Variants in MAGT1 observed in about 807,000 individuals in gnomAD.
MAGT1 encodes magnesium transporter 1.
Under a neutral mutation model 28.4 loss-of-function variants are expected in MAGT1, and 4 were observed. The observed-to-expected ratio is 0.14, with a 90% CI of 0.07 to 0.32. The LOEUF is 0.32. Ranked by LOEUF, MAGT1 falls within the 10% of genes least tolerant of loss-of-function variation. The probability of loss-of-function intolerance (pLI) is 1.00; values close to 1 mark genes in which losing one functional copy is unlikely to be tolerated. For synonymous variants in MAGT1, 89 were observed against 89.7 expected (o/e 0.99, Z 0.04); for missense variants, 193 against 264.5 (o/e 0.73, Z 1.88).
At chrX:77,859,606 C>T (rs149460901) in intron 3 of MAGT1, among the ~76,000 whole-genome samples, 6,499 of 111,785 alleles carry the variant, frequency 0.058, 300 homozygotes, top group East Asian at 0.38. Flanking sequence ...GTGGCTCACG[C>T]CTGTAATCCC....
chrX:77,875,454 T>G lies in MAGT1; in HGVS notation c.246A>C (p.Gln82His), dbSNP rs1258931607. The change falls in exon 2 of 10, where the codon CAA (glutamine) becomes CAC (histidine). Residue 82 changes from glutamine (Q) to histidine (H), a missense_variant. Transcript: ENST00000618282. ...TGCAAACGACACACTGTCTATGCAG[T>G]TGGAGAGCAGTGAACATGACGATAA... ...YSVIVMFTAL[Q>H]LHRQCVVCKQ... 1.7e-6 allele frequency: 2 copies of G among 1,210,600 alleles called. No individual in the cohort carries two copies. Among genetic ancestry groups the G allele is most frequent in the Non-Finnish European group, 1.1e-6 (1 of 895,166 alleles).
chrX:77,875,390 T>G, intron 2 of MAGT1, 38 bp downstream of exon 2: 22 of 1,181,023 alleles, frequency 1.9e-5, no homozygotes, highest in East Asian at 3.0e-5. Context: ...TAACGTTATA[T>G]GAGTTATTTA....
intron 8 of MAGT1, among the ~76,000 whole-genome samples, chrX:77,839,539 G>A (rs1389651189): frequency 5.6e-4 from 50 of 89,750 alleles, no homozygotes; most frequent in Admixed American, 2.0e-3. Context: ...ATGGAGTCTC[G>A]CTTTGTCACC....
intron 8 of MAGT1, among the ~76,000 whole-genome samples, chrX:77,840,565 A>G (rs911434811): frequency 1.3e-4 from 14 of 111,892 alleles, no homozygotes; most frequent in Non-Finnish European, 2.6e-4. Flanking sequence ...TAAGTCAGCC[A>G]GGCACGGCAG....
At chrX:77,877,153 A>G (rs2149026182) in intron 1 of MAGT1, among the ~76,000 whole-genome samples, 1 of 110,797 alleles carries the variant, frequency 9.0e-6, no homozygotes, top group South Asian at 3.7e-4. Context: ...TAGGCCTGAC[A>G]ACAAAAGCAG....
intron 8 of MAGT1, among the ~76,000 whole-genome samples, chrX:77,832,791 C>T (rs2076902363): frequency 1.1e-5 from 1 of 93,133 alleles, no homozygotes; most frequent in South Asian, 5.4e-4. Flanking sequence ...CCACTGCACT[C>T]CAGCCTAGGC....
intron 7 of MAGT1, among the ~76,000 whole-genome samples, chrX:77,842,606 C>T (rs1603359987): frequency 9.0e-6 from 1 of 110,863 alleles, no homozygotes; most frequent in East Asian, 2.8e-4. Flanking sequence ...GTAGGCGGAT[C>T]ACCTTAAGTC....
intron 3 of MAGT1, among the ~76,000 whole-genome samples, chrX:77,861,777 T>C (rs143958516): frequency 0.014 from 1,599 of 112,192 alleles, 18 homozygotes; most frequent in Non-Finnish European, 0.023. Context: ...GAGGACATGA[T>C]GCTAAGTGAA....
At chrX:77,871,228 C>T (rs2077019713) in intron 2 of MAGT1, among the ~76,000 whole-genome samples, 2 of 112,334 alleles carry the variant, frequency 1.8e-5, no homozygotes, top group Non-Finnish European at 3.7e-5. Flanking sequence ...AAATATATAG[C>T]TAATCGCCTC....
At chrX:77,858,960 A>G (rs1286620046) in intron 3 of MAGT1, among the ~76,000 whole-genome samples, 6 of 110,708 alleles carry the variant, frequency 5.4e-5, no homozygotes, top group Admixed American at 3.9e-4. Context: ...TTGTAATCCC[A>G]GCACTTTGGG....
chrX:77,862,525 AAAAC>A (rs1418746480), intron 3 of MAGT1, among the ~76,000 whole-genome samples: 1 of 111,950 alleles, frequency 8.9e-6, no homozygotes, highest in Non-Finnish European at 1.9e-5. Context: ...AACAAAAACA[AAAAC>A]AAAAAAAATT....
In MAGT1 at chrX:77,891,995, G is replaced by A. The variant is rs782357249; in HGVS notation, c.102+3314C>T. ...CAGAGTCTCGCTCTCTTGTTCAAGC[G>A]ATTCTCATGCCTCAGACTCCTGAGT... On this transcript the variant is annotated intron_variant, in intron 1 of 9. Transcript: ENST00000618282. Among the ~76,000 whole-genome samples, 4 of 108,798 alleles carry A rather than the reference G, an allele frequency of 3.7e-5. No individual in the cohort carries two copies. In the East Asian group the frequency reaches 8.6e-4, roughly 23 times the overall value. 94.5% of individuals were successfully genotyped at this position (108,798 alleles called of 115,157 possible).
In MAGT1 at chrX:77,866,499, C is replaced by T. The variant is rs782551903; in HGVS notation, c.390+4309G>A. On this transcript the variant is annotated intron_variant, in intron 3 of 9. Transcript: ENST00000618282. ...AACTGCCTTTGTTCTGGACAATCTT[C>T]TCAAGGATATTTGTATATCTTTGGA... Among the ~76,000 whole-genome samples, 11 of 66,612 alleles carry T rather than the reference C, an allele frequency of 1.7e-4. 3 individuals are homozygous for T. The East Asian group carries it at 4.2e-3, about 25-fold the overall frequency. 57.8% of individuals were successfully genotyped at this position (66,612 alleles called of 115,157 possible).
chrX:77,892,360 T>C (rs1353387457), intron 1 of MAGT1, among the ~76,000 whole-genome samples: 1 of 112,308 alleles, frequency 8.9e-6, no homozygotes, highest in Admixed American at 9.5e-5. Context: ...ATCATAGTAG[T>C]CTTTTTAAAG....
chrX:77,838,136 A>G (rs1176467245), intron 8 of MAGT1, among the ~76,000 whole-genome samples: 1 of 112,043 alleles, frequency 8.9e-6, no homozygotes, highest in Non-Finnish European at 1.9e-5. Flanking sequence ...ACAGATAACA[A>G]TGTGTGAATA....
chrX:77,862,475 G>A (rs1353375150), intron 3 of MAGT1, among the ~76,000 whole-genome samples: 2 of 110,041 alleles, frequency 1.8e-5, no homozygotes, highest in Admixed American at 9.8e-5. Context: ...CTAATGTCCA[G>A]AATATACAAA....
At position 77,845,944 on chromosome X, in the gene MAGT1, T is replaced by G. The variant is rs1377652934; in HGVS notation, c.827-4624A>C. On this transcript the variant is annotated intron_variant, in intron 7 of 9. Transcript: ENST00000618282. ...TTGCTCTTCTCGAGGAATATCTTTG[T>G]GGCGTTCTCTGTATCTCCTGAATTT... Among the ~76,000 whole-genome samples the G allele has an allele frequency of 2.7e-5, 3 of 111,198 alleles. No homozygotes were observed. In the East Asian group the frequency reaches 8.4e-4, roughly 31 times the overall value.
chrX:77,873,418 A>G (rs1263349268), intron 2 of MAGT1, among the ~76,000 whole-genome samples: 4 of 112,344 alleles, frequency 3.6e-5, no homozygotes, highest in African/African-American at 1.3e-4. Context: ...TTGTCATTTT[A>G]TTTAAAGTTA....
At position 77,826,742 on chromosome X, in the gene MAGT1, C is replaced by T. The variant is rs2076883754; in HGVS notation, c.*2478G>A. On this transcript the variant is annotated 3_prime_UTR_variant, in exon 10 of 10. Transcript: ENST00000618282. ...ACAGATTACATGGCAGTAGTATTCC[C>T]GTGGTCAATCTGTACAAATCAGGGC... 1 of 112,049 alleles carries T rather than the reference C, an allele frequency of 8.9e-6. No individual in the cohort carries two copies. The highest frequency in any genetic ancestry group is 3.2e-5 in the African/African-American group (1 of 30,918). 9.2% of individuals were successfully genotyped at this position (112,049 alleles called of 1,213,427 possible). A position where few individuals can be genotyped will look rare whatever the true frequency, so the allele number is the denominator to read the frequency against.
Sources: allele counts gnomAD v4.1 joint callset (sites outside exome capture counted in the v4.1 genomes callset), GRCh38; gene constraint gnomAD v4.1.1; transcripts MANE v1.5; gene names NCBI Gene and HGNC (gene_info 2026-07-23, HGNC 2026-07-21).